Variants in SLC22A25 observed in about 807,000 individuals in gnomAD.
SLC22A25 encodes solute carrier family 22 member 25.
In SLC22A25, 44 loss-of-function variants were observed where a neutral mutation model predicts 45.9. The observed-to-expected ratio is 0.96, with a 90% confidence interval of 0.75 to 1.23. The LOEUF (loss-of-function observed/expected upper bound fraction) is 1.23. Among genes scored for constraint, SLC22A25 ranks in the 50% most tolerant of loss-of-function variants. SLC22A25 has a pLI of 0.00. For synonymous variants in SLC22A25, 283 were observed against 238.6 expected, an observed-to-expected ratio of 1.19 and a Z score of -1.72; for missense variants, 800 against 666.4, an observed-to-expected ratio of 1.20 and a Z score of -2.21.
rs536208645 is a variant in SLC22A25 at position 63,236,227 on chromosome 11, C to G, written c.-445+1654G>C. On this transcript the variant is annotated intron_variant, in intron 3 of 11. Transcript: ENST00000306494. ...TACTGCTGTCTTTTGTTTGTCTGTGCCCTGCCCCCAGAGGTGGAGCCTACA... is the reference window on the plus strand; with the variant it reads ...TACTGCTGTCTTTTGTTTGTCTGTGGCCTGCCCCCAGAGGTGGAGCCTACA... Among the ~76,000 whole-genome samples, 9 of 152,312 alleles carry G rather than the reference C, an allele frequency of 5.9e-5. No individual in the cohort carries two copies. In the East Asian group the frequency reaches 1.5e-3, roughly 26 times the overall value.
chr11:63,238,399 A>AG (rs11463359), intron 2 of SLC22A25, among the ~76,000 whole-genome samples: 81,502 of 151,988 alleles, frequency 0.54, 23,430 homozygotes, highest in African/African-American at 0.76. Context: ...TCAACCTCCC[A>AG]GTATTTTTAA....
intron 7 of SLC22A25, among the ~76,000 whole-genome samples, chr11:63,206,663 G>C (rs1268455453): frequency 2.0e-5 from 3 of 151,882 alleles, no homozygotes; most frequent in African/African-American, 7.2e-5. Context: ...AAAATATTCT[G>C]TGCTCATGGA....
chr11:63,211,403 C>G (rs1036488608), intron 7 of SLC22A25, among the ~76,000 whole-genome samples: 7 of 152,112 alleles, frequency 4.6e-5, no homozygotes, highest in Admixed American at 6.5e-5. Context: ...AGTACCCAAC[C>G]CTTACACAAT....
chr11:63,158,914 T>C lies in SLC22A25; in HGVS notation c.*4910A>G, dbSNP rs1002220937. On this transcript the variant is annotated 3_prime_UTR_variant, in exon 12 of 12. Transcript: ENST00000306494. ...CTTCCCCTGAAGCACCCAATACCCT[T>C]CTCAGCCTCTGGTAATCATCCTTCT... Among the ~76,000 whole-genome samples the C allele has an allele frequency of 2.0e-5, 3 of 152,190 alleles. No homozygotes were observed. Among genetic ancestry groups the C allele is most frequent in the Non-Finnish European group, 4.4e-5 (3 of 68,038 alleles).
intron 5 of SLC22A25, chr11:63,218,357 G>A (rs777115485): frequency 1.7e-5 from 4 of 229,124 alleles, no homozygotes; most frequent in Non-Finnish European, 3.5e-5. Flanking sequence ...AGAGTTGGCA[G>A]GGAGGGAGGG....
At chr11:63,183,220 A>C (rs1330268640) in intron 8 of SLC22A25, among the ~76,000 whole-genome samples, 2 of 152,132 alleles carry the variant, frequency 1.3e-5, no homozygotes, top group Non-Finnish European at 2.9e-5. Flanking sequence ...CCAAGAAAGA[A>C]TGAAATCTTG....
At chr11:63,175,178 C>G (rs1034305179) in intron 9 of SLC22A25, among the ~76,000 whole-genome samples, 1 of 152,110 alleles carries the variant, frequency 6.6e-6, no homozygotes, top group Non-Finnish European at 1.5e-5. Flanking sequence ...ATATGGTAGT[C>G]CTACTGCTTT....
rs2090034186 is a variant in SLC22A25, at chr11:63,229,676, A to G, written c.-24T>C. 6.3e-7 allele frequency: 1 copy of G among 1,586,546 alleles called. No homozygotes were observed. Among genetic ancestry groups the G allele is most frequent in the South Asian group, 1.1e-5 (1 of 89,462 alleles). On this transcript the variant is annotated 5_prime_UTR_variant, in exon 4 of 12. Transcript: ENST00000306494. ...ATTGAGGCTGGACAAGTGATCCCCA[A>G]GAGGAGACAAAATGACTGTATCCAG...
chr11:63,202,843 C>A (rs1003820307), intron 7 of SLC22A25, among the ~76,000 whole-genome samples: 7 of 152,214 alleles, frequency 4.6e-5, no homozygotes, highest in Non-Finnish European at 1.0e-4. Context: ...GGTCCCTGAC[C>A]CCGGTGCCTT....
chr11:63,242,533 C>A (rs2134869237), intron 1 of SLC22A25, among the ~76,000 whole-genome samples: 1 of 152,308 alleles, frequency 6.6e-6, no homozygotes, highest in East Asian at 1.9e-4. Flanking sequence ...TTATTTGAAA[C>A]TCAGCTATAC....
chr11:63,232,593 A>C (rs935090432), intron 3 of SLC22A25, among the ~76,000 whole-genome samples: 1 of 152,140 alleles, frequency 6.6e-6, no homozygotes, highest in African/African-American at 2.4e-5. Flanking sequence ...GGACAATTTG[A>C]CTTCCTCTTT....
chr11:63,179,436 C>G (rs533817866), intron 9 of SLC22A25, among the ~76,000 whole-genome samples: 1 of 152,250 alleles, frequency 6.6e-6, no homozygotes, highest in African/African-American at 2.4e-5. Flanking sequence ...GATAGAGATT[C>G]TGGGGACCTT....
intron 8 of SLC22A25, among the ~76,000 whole-genome samples, chr11:63,181,587 T>C (rs11231396): frequency 0.36 from 54,950 of 151,826 alleles, 10,286 homozygotes; most frequent in East Asian, 0.56. Flanking sequence ...TCAACAGGGA[T>C]AATCTTGGTC....
chr11:63,175,349 C>A (rs1162442628), intron 9 of SLC22A25, among the ~76,000 whole-genome samples: 3 of 152,022 alleles, frequency 2.0e-5, no homozygotes, highest in East Asian at 3.9e-4. Flanking sequence ...TTTTGACTTG[C>A]ATGTTCCTGA....
At chr11:63,194,778 A>G (rs1411024766) in intron 7 of SLC22A25, among the ~76,000 whole-genome samples, 1 of 151,770 alleles carries the variant, frequency 6.6e-6, no homozygotes, top group Non-Finnish European at 1.5e-5. Context: ...CAAATTGTAT[A>G]AAGAGTCAAG....
At chr11:63,212,730 CA>C (rs1216483215) in intron 7 of SLC22A25, among the ~76,000 whole-genome samples, 1 of 151,642 alleles carries the variant, frequency 6.6e-6, no homozygotes, top group Admixed American at 6.6e-5. Context: ...TGCAGCGTAC[CA>C]ACATGGCTTA....
At chr11:63,241,246 T>C (rs2090243122) in intron 1 of SLC22A25, among the ~76,000 whole-genome samples, 1 of 152,184 alleles carries the variant, frequency 6.6e-6, no homozygotes, top group Admixed American at 6.5e-5. Context: ...CATGGGGAGA[T>C]GTGAACCTGG....
At position 63,164,635 on chromosome 11, in the gene SLC22A25, C is replaced by A; in HGVS notation, c.1286-1G>T. The A allele has an allele frequency of 6.2e-7, 1 of 1,613,214 alleles. No individual in the cohort carries two copies. Among genetic ancestry groups the A allele is most frequent in the Non-Finnish European group, 8.5e-7 (1 of 1,179,388 alleles). ...AAAACCACACGCAGGGTCTGCATTT[C>A]TGGAGAAAGGAAGACCACAGGGCCT... On this transcript the variant is annotated splice_acceptor_variant, in intron 10 of 11. Coordinates refer to ENST00000306494, the MANE Select transcript of SLC22A25 (RefSeq NM_199352.6). LOFTEE classifies it high-confidence loss of function.
At chr11:63,218,364 A>T (rs2089773281) in intron 5 of SLC22A25, 1 of 229,784 alleles carries the variant, frequency 4.4e-6, no homozygotes, top group African/African-American at 2.3e-5. Context: ...GCAGGGAGGG[A>T]GGGGAAAAGG....
Sources: allele counts gnomAD v4.1 joint callset (sites outside exome capture counted in the v4.1 genomes callset), GRCh38; gene constraint gnomAD v4.1.1; transcripts MANE v1.5; gene names NCBI Gene and HGNC (gene_info 2026-07-23, HGNC 2026-07-21).